Variants in C12orf42 observed in about 807,000 individuals in gnomAD.
C12orf42 encodes uncharacterized protein C12orf42.
Under a neutral mutation model 21.6 loss-of-function variants are expected in C12orf42, and 25 were observed. The ratio of observed to expected loss-of-function variants is 1.16; its 90% confidence interval spans 0.84 to 1.62. The LOEUF (loss-of-function observed/expected upper bound fraction) is 1.62. C12orf42 is among the 40% of genes most tolerant of loss of function. The pLI is 0.00. For missense variants in C12orf42, 483 were observed against 459.3 expected (o/e 1.05, Z -0.47); for synonymous variants, 174 against 175.0 (o/e 0.99, Z 0.05).
chr12:103,533,232 A>G, the C12orf42 span, among the ~76,000 whole-genome samples: 3 of 152,228 alleles, frequency 2.0e-5, no homozygotes, highest in Non-Finnish European at 4.4e-5. Context: ...ACAGCAAATT[A>G]GTTTTGGGGA....
At chr12:103,480,142 A>G (rs1222751228) in intron 1 of C12orf42, among the ~76,000 whole-genome samples, 2 of 151,746 alleles carry the variant, frequency 1.3e-5, no homozygotes, top group African/African-American at 4.8e-5. Flanking sequence ...TATATTTTCT[A>G]TTTCTTTTTG....
chr12:103,126,835 A>G, the C12orf42 span, among the ~76,000 whole-genome samples: 1 of 152,230 alleles, frequency 6.6e-6, no homozygotes, highest in African/African-American at 2.4e-5. Flanking sequence ...ACTGAGGGGC[A>G]GATAAGGAGA....
chr12:103,348,495 T>C (rs984383006), intron 4 of C12orf42, among the ~76,000 whole-genome samples: 1 of 152,200 alleles, frequency 6.6e-6, no homozygotes, highest in Admixed American at 6.5e-5. Flanking sequence ...CAACATGTCT[T>C]CTAAAAAACA....
intron 4 of C12orf42, among the ~76,000 whole-genome samples, chr12:103,306,663 G>A (rs533313713): frequency 6.6e-6 from 1 of 152,084 alleles, no homozygotes; most frequent in African/African-American, 2.4e-5. Context: ...GTCTTGCACA[G>A]GTCACAAAGC....
At chr12:103,280,740 C>T (rs1190655840) in intron 4 of C12orf42, among the ~76,000 whole-genome samples, 2 of 152,206 alleles carry the variant, frequency 1.3e-5, no homozygotes, top group African/African-American at 4.8e-5. Context: ...GAGCAGCCAG[C>T]ACGGTGCTAA....
At chr12:103,460,282 AAG>A (rs10535662) in intron 2 of C12orf42, among the ~76,000 whole-genome samples, 85,686 of 142,774 alleles carry the variant, frequency 0.6, 25,343 homozygotes, top group East Asian at 0.74. Context: ...AAAAAAAAAA[AAG>A]AGAGAGAGAG....
the C12orf42 span, among the ~76,000 whole-genome samples, chr12:103,101,602 A>G: frequency 0.4 from 60,872 of 152,036 alleles, 12,514 homozygotes; most frequent in East Asian, 0.52. Context: ...CTCTGCTATC[A>G]TCCATGTCTA....
At chr12:103,129,950 T>A in the C12orf42 span, among the ~76,000 whole-genome samples, 1 of 151,650 alleles carries the variant, frequency 6.6e-6, no homozygotes, top group Non-Finnish European at 1.5e-5. Context: ...CTAGAACCCA[T>A]GCAAATTTCC....
intron 10 of C12orf42, among the ~76,000 whole-genome samples, chr12:103,239,658 G>A (rs1012590663): frequency 6.6e-6 from 1 of 152,188 alleles, no homozygotes; most frequent in Admixed American, 6.5e-5. Context: ...TTCCCCATGA[G>A]TCAGGTATCC....
chr12:103,285,564 T>C (rs977209711), intron 4 of C12orf42, among the ~76,000 whole-genome samples: 1 of 149,978 alleles, frequency 6.7e-6, no homozygotes. Flanking sequence ...AAGCCTTTGA[T>C]AGAATAATTA....
chr12:103,406,198 C>T (rs866482903), intron 2 of C12orf42, among the ~76,000 whole-genome samples: 1 of 152,154 alleles, frequency 6.6e-6, no homozygotes, highest in South Asian at 2.1e-4. Flanking sequence ...TCAAAATCAC[C>T]TGAGGAGTAG....
intron 2 of C12orf42, among the ~76,000 whole-genome samples, chr12:103,477,740 A>C (rs370362674): frequency 6.6e-6 from 1 of 152,144 alleles, no homozygotes; most frequent in Non-Finnish European, 1.5e-5. Context: ...AATCTCCTCT[A>C]AAGTCTATAG....
chr12:103,383,840 G>T (rs969725252), intron 3 of C12orf42, among the ~76,000 whole-genome samples: 1 of 152,174 alleles, frequency 6.6e-6, no homozygotes, highest in African/African-American at 2.4e-5. Context: ...CCAATAAGGT[G>T]CCTAGTCCAG....
At chr12:103,116,341 G>A in the C12orf42 span, among the ~76,000 whole-genome samples, 4 of 147,102 alleles carry the variant, frequency 2.7e-5, no homozygotes, top group African/African-American at 5.1e-5. Context: ...TCCAGCCTGG[G>A]CAACAAGAGT....
chr12:103,414,090 T>C (rs1278652154), intron 2 of C12orf42, among the ~76,000 whole-genome samples: 3 of 152,206 alleles, frequency 2.0e-5, no homozygotes, highest in African/African-American at 7.2e-5. Context: ...ACAGTGGCTG[T>C]ACATTCCCAC....
intron 4 of C12orf42, among the ~76,000 whole-genome samples, chr12:103,355,061 T>G (rs2043408647): frequency 6.6e-6 from 1 of 152,140 alleles, no homozygotes; most frequent in Admixed American, 6.6e-5. Flanking sequence ...AAATAAAAAT[T>G]TAAAAATAAT....
the C12orf42 span, among the ~76,000 whole-genome samples, chr12:103,065,304 TG>T: frequency 6.6e-6 from 1 of 152,226 alleles, no homozygotes. Context: ...GTGCCAGATG[TG>T]GTTTCATTGC....
intron 2 of C12orf42, among the ~76,000 whole-genome samples, chr12:103,448,559 C>T (rs1432836267): frequency 6.6e-6 from 1 of 151,934 alleles, no homozygotes; most frequent in Non-Finnish European, 1.5e-5. Context: ...GGACTAATAT[C>T]CAGAATCTAC....
the C12orf42 span, among the ~76,000 whole-genome samples, chr12:103,067,914 G>A: frequency 6.6e-6 from 1 of 152,152 alleles, no homozygotes; most frequent in Non-Finnish European, 1.5e-5. Flanking sequence ...ATGGAATACA[G>A]GAGATTCATT....
Sources: allele counts gnomAD v4.1 joint callset (sites outside exome capture counted in the v4.1 genomes callset), GRCh38; gene constraint gnomAD v4.1.1; transcripts MANE v1.5; gene names NCBI Gene and HGNC (gene_info 2026-07-23, HGNC 2026-07-21).